PKNOX1: variants seen among roughly 807,000 people sequenced by gnomAD.
PKNOX1 encodes the protein PBX/knotted 1 homeobox 1.
In PKNOX1, 15 loss-of-function variants were observed where a neutral mutation model predicts 51.9. The ratio of observed to expected loss-of-function variants is 0.29; its 90% CI spans 0.19 to 0.45. The LOEUF is 0.45. Ranked by LOEUF, PKNOX1 falls within the 20% of genes least tolerant of loss-of-function variation. The pLI is 1.00. For missense variants in PKNOX1, 462 were observed against 547.5 expected (o/e 0.84, Z 1.56); for synonymous variants, 219 against 211.1 (o/e 1.04, Z -0.32).
intron 1 of PKNOX1, among the ~76,000 whole-genome samples, chr21:42,997,572 C>T (rs1057084981): frequency 3.3e-5 from 5 of 152,316 alleles, no homozygotes; most frequent in East Asian, 1.9e-4. Context: ...TCAGAGACAG[C>T]GCTAGTAGTT....
chr21:42,976,685 G>C (rs35341685), intron 1 of PKNOX1, among the ~76,000 whole-genome samples: 5,794 of 152,306 alleles, frequency 0.038, 140 homozygotes, highest in Middle Eastern at 0.061. Context: ...AGAAGCAACT[G>C]TTCATTATTT....
In PKNOX1 at chr21:43,004,885, A is replaced by G. The variant is rs190581305; in HGVS notation, c.51+453A>G. Among the ~76,000 whole-genome samples, 274 of 152,244 alleles carry G rather than the reference A, an allele frequency of 1.8e-3. 3 individuals carry two copies. The highest frequency in any genetic ancestry group is 6.2e-3 in the African/African-American group (256 of 41,548). ...GAATTTGCAGGGGCCCCAGTGCTCTATCTTTGTACCTTGCTCGTGCTTGGA... is the reference window on the plus strand; with the variant it reads ...GAATTTGCAGGGGCCCCAGTGCTCTGTCTTTGTACCTTGCTCGTGCTTGGA... On this transcript the variant is annotated intron_variant, in intron 2 of 10. Coordinates refer to ENST00000291547, the MANE Select transcript of PKNOX1 (RefSeq NM_004571.5).
rs1258055853 is a variant in PKNOX1, at chr21:43,021,232, C to T, written c.721-71C>T. On this transcript the variant is annotated intron_variant, in intron 7 of 10. Transcript: ENST00000291547. This position sits in a 1 kb window ranked among gnomAD's most constrained non-coding sequence, Gnocchi z 4.6. The stretch of plus-strand genomic sequence containing the variant: ...GTCCGATCCTTGGCTGTTTTCTCCA[C>T]CTGCAGTTGTAAGTACTTGGATATG... The T allele has an allele frequency of 7.8e-7, 1 of 1,275,246 alleles. No individual in the cohort carries two copies. Among genetic ancestry groups the T allele is most frequent in the Non-Finnish European group, 1.1e-6 (1 of 913,968 alleles). 79.0% of individuals were successfully genotyped at this position (1,275,246 alleles called of 1,614,324 possible).
At chr21:43,022,576 C>T (rs558828441) in intron 8 of PKNOX1, among the ~76,000 whole-genome samples, 17 of 152,220 alleles carry the variant, frequency 1.1e-4, no homozygotes, top group Admixed American at 3.3e-4. Flanking sequence ...TGGTCTCCAC[C>T]GAGCCGCTTC....
At chr21:43,005,796 T>C (rs1978963422) in intron 2 of PKNOX1, among the ~76,000 whole-genome samples, 1 of 152,126 alleles carries the variant, frequency 6.6e-6, no homozygotes, top group Admixed American at 6.6e-5. Flanking sequence ...CCGACCCCAC[T>C]GCTGCCTCCT....
At chr21:42,994,595 G>C (rs1978407626) in intron 1 of PKNOX1, among the ~76,000 whole-genome samples, 1 of 151,714 alleles carries the variant, frequency 6.6e-6, no homozygotes, top group South Asian at 2.1e-4. Context: ...TTGATTATCT[G>C]CTACCTAGAT....
Position 43,028,794 on chromosome 21 carries a change from G to A in PKNOX1, c.1019G>A (p.Arg340Gln), listed in dbSNP as rs374426020. 3.8e-5 allele frequency: 62 copies of A among 1,613,944 alleles called. No individual in the cohort carries two copies. Among genetic ancestry groups the A allele is most frequent in the Non-Finnish European group, 5.0e-5 (59 of 1,180,002 alleles). ...ACAAAGAAAAAAACTGCTCAGAACC[G>A]GCCAGTTCAGAGGTTTTGGCCTGAT... Reference protein sequence around the residue: ...PKTKKKTAQNRPVQRFWPDSI... With the variant: ...PKTKKKTAQNQPVQRFWPDSI... The change falls in exon 10 of 11, where the codon CGG becomes CAG. Residue 340 changes from arginine (R) to glutamine (Q), a missense_variant. Physicochemically the swap from Arg to Gln is conservative, Grantham distance 43. Coordinates refer to ENST00000291547, the MANE Select transcript of PKNOX1 (RefSeq NM_004571.5).
intron 8 of PKNOX1, chr21:43,024,568 A>AT: frequency 2.6e-5 from 8 of 313,570 alleles, no homozygotes; most frequent in South Asian, 1.9e-4. Context: ...CCTGGTGTAG[A>AT]CTCACCGCTG....
chr21:43,011,127 G>C (rs1192182234), intron 4 of PKNOX1, among the ~76,000 whole-genome samples: 2 of 146,610 alleles, frequency 1.4e-5, no homozygotes, highest in Admixed American at 6.9e-5. Context: ...GAGTGCAGTG[G>C]TGTGATCTCA....
chr21:43,006,499 T>C (rs568405998), intron 2 of PKNOX1, among the ~76,000 whole-genome samples: 1 of 152,222 alleles, frequency 6.6e-6, no homozygotes, highest in South Asian at 2.1e-4. Flanking sequence ...TTATTGCTTT[T>C]ATTTTTTTTT....
chr21:42,991,208 C>T (rs1411453049), intron 1 of PKNOX1, among the ~76,000 whole-genome samples: 1 of 151,658 alleles, frequency 6.6e-6, no homozygotes, highest in Non-Finnish European at 1.5e-5. Context: ...TGAAAGCAGC[C>T]GAGCACTGTG....
At chr21:42,987,404 A>AAATATATAT in intron 1 of PKNOX1, among the ~76,000 whole-genome samples, 1 of 41,410 alleles carries the variant, frequency 2.4e-5, no homozygotes, top group African/African-American at 9.3e-5. Context: ...AAAAAAAAAA[A>AAATATATAT]ATATATATAT....
chr21:42,978,014 TTCCC>T (rs1216195991), intron 1 of PKNOX1, among the ~76,000 whole-genome samples: 1 of 152,118 alleles, frequency 6.6e-6, no homozygotes, highest in African/African-American at 2.4e-5. Context: ...TTCACTTTCT[TTCCC>T]TCCCTCCCTC....
At chr21:43,003,517 A>G (rs1978855073) in intron 1 of PKNOX1, among the ~76,000 whole-genome samples, 1 of 151,988 alleles carries the variant, frequency 6.6e-6, no homozygotes, top group African/African-American at 2.4e-5. Flanking sequence ...TGAAACACCA[A>G]ACTCCCTGAT....
intron 1 of PKNOX1, among the ~76,000 whole-genome samples, chr21:42,988,723 A>C (rs2059069631): frequency 2.0e-5 from 3 of 151,920 alleles, no homozygotes; most frequent in Admixed American, 2.0e-4. Context: ...CTGATCCCCC[A>C]GGCCACTGGG....
At chr21:42,991,638 G>A (rs1484865628) in intron 1 of PKNOX1, among the ~76,000 whole-genome samples, 1 of 151,938 alleles carries the variant, frequency 6.6e-6, no homozygotes, top group Non-Finnish European at 1.5e-5. Context: ...TGCGGCAGGA[G>A]AATGGCGTGA....
intron 1 of PKNOX1, among the ~76,000 whole-genome samples, chr21:43,003,188 A>G (rs1450371616): frequency 6.6e-6 from 1 of 152,166 alleles, no homozygotes; most frequent in Non-Finnish European, 1.5e-5. Flanking sequence ...TGACCTCCAC[A>G]TGACCTTCTC....
At chr21:42,985,256 G>A (rs894317535) in intron 1 of PKNOX1, among the ~76,000 whole-genome samples, 2 of 151,742 alleles carry the variant, frequency 1.3e-5, no homozygotes, top group Non-Finnish European at 2.9e-5. Flanking sequence ...CAAAGTGCTG[G>A]GATTACAGGC....
At chr21:42,987,404 A>AATATATATATATATAT (rs1170402960) in intron 1 of PKNOX1, among the ~76,000 whole-genome samples, 51 of 41,366 alleles carry the variant, frequency 1.2e-3, no homozygotes, top group East Asian at 2.1e-3. Flanking sequence ...AAAAAAAAAA[A>AATATATATATATATAT]ATATATATAT....
Sources: gnomAD v4.1 joint callset for allele counts (sites outside exome capture counted in the v4.1 genomes callset) on GRCh38, gnomAD v4.1.1 for gene constraint, Gnocchi (gnomAD v3.1) non-coding constraint, MANE v1.5 for transcripts, NCBI Gene and HGNC (gene_info 2026-07-23, HGNC 2026-07-21) for gene names.